SMYD3: variants seen among roughly 807,000 people sequenced by gnomAD.
SMYD3 encodes histone-lysine N-methyltransferase SMYD3.
A neutral mutation model predicts 57.7 loss-of-function variants in SMYD3; 36 were observed. That is an observed-to-expected ratio of 0.62 (90% confidence interval 0.48 to 0.82). The LOEUF (loss-of-function observed/expected upper bound fraction) is 0.82, where lower values mean the gene tolerates loss of function less well. Among genes scored for constraint, SMYD3 ranks in the 40% least tolerant of loss-of-function variants. The pLI is 0.00. For missense variants in SMYD3, 515 were observed against 538.8 expected (o/e 0.96, Z 0.44); for synonymous variants, 211 against 195.0 (o/e 1.08, Z -0.68).
chr1:246,268,040 G>C (rs2064144335), intron 5 of SMYD3, among the ~76,000 whole-genome samples: 1 of 152,108 alleles, frequency 6.6e-6, no homozygotes, highest in Non-Finnish European at 1.5e-5. Flanking sequence ...TTATCAATTG[G>C]GAATTGTATT....
chr1:245,859,969 T>C (rs1236063801), intron 9 of SMYD3, among the ~76,000 whole-genome samples: 1 of 152,176 alleles, frequency 6.6e-6, no homozygotes, highest in Non-Finnish European at 1.5e-5. Context: ...TCATGATGTG[T>C]CCTCTCATGA....
intron 10 of SMYD3, among the ~76,000 whole-genome samples, chr1:245,827,946 A>C (rs2049599202): frequency 6.6e-6 from 1 of 152,210 alleles, no homozygotes; most frequent in African/African-American, 2.4e-5. Flanking sequence ...TGCAGCACAG[A>C]GTTGTGCCCT....
At chr1:245,985,299 A>C (rs2058681148) in intron 5 of SMYD3, among the ~76,000 whole-genome samples, 1 of 152,194 alleles carries the variant, frequency 6.6e-6, no homozygotes, top group Non-Finnish European at 1.5e-5. Context: ...AATGGCTCTC[A>C]AATCTAGACT....
chr1:246,470,370 C>T (rs994378453), intron 1 of SMYD3, among the ~76,000 whole-genome samples: 4 of 151,780 alleles, frequency 2.6e-5, no homozygotes, highest in Non-Finnish European at 5.9e-5. Flanking sequence ...GTGGCACACA[C>T]GTGTAATCCC....
At chr1:245,802,538 G>A (rs1433718058) in intron 10 of SMYD3, among the ~76,000 whole-genome samples, 1 of 152,132 alleles carries the variant, frequency 6.6e-6, no homozygotes, top group African/African-American at 2.4e-5. Context: ...CCCAAAGCAG[G>A]AGTATTGCAG....
chr1:246,043,601 G>C (rs1239577333), intron 5 of SMYD3, among the ~76,000 whole-genome samples: 1 of 152,214 alleles, frequency 6.6e-6, no homozygotes, highest in African/African-American at 2.4e-5. Flanking sequence ...CAGGGCATAG[G>C]TTTCTGGTGA....
chr1:245,773,959 G>A (rs950049974), intron 10 of SMYD3, among the ~76,000 whole-genome samples: 1 of 152,094 alleles, frequency 6.6e-6, no homozygotes, highest in African/African-American at 2.4e-5. Context: ...TTATTTGAAC[G>A]TTTTAGTTCA....
intron 8 of SMYD3, among the ~76,000 whole-genome samples, chr1:245,898,188 T>C (rs1255715801): frequency 1.3e-5 from 2 of 152,234 alleles, no homozygotes; most frequent in African/African-American, 2.4e-5. Context: ...AGCTGTTACA[T>C]AAAGGATCAT....
At chr1:245,991,663 G>A (rs2058816390) in intron 5 of SMYD3, among the ~76,000 whole-genome samples, 1 of 152,256 alleles carries the variant, frequency 6.6e-6, no homozygotes, top group Admixed American at 6.5e-5. Context: ...CCTTAGAGCT[G>A]CTACAAGAAG....
intron 5 of SMYD3, among the ~76,000 whole-genome samples, chr1:246,253,610 C>CTTGT: frequency 6.6e-6 from 1 of 152,124 alleles, no homozygotes; most frequent in Middle Eastern, 3.2e-3. Flanking sequence ...TGTCTTTCTA[C>CTTGT]TTGTTTGCGT....
intron 10 of SMYD3, among the ~76,000 whole-genome samples, chr1:245,775,273 A>C (rs2046531181): frequency 6.6e-6 from 1 of 152,128 alleles, no homozygotes; most frequent in Non-Finnish European, 1.5e-5. Context: ...TGTCGAGTGG[A>C]AGGGGGGAAG....
At chr1:245,913,467 A>T (rs2055165680) in intron 8 of SMYD3, among the ~76,000 whole-genome samples, 1 of 152,084 alleles carries the variant, frequency 6.6e-6, no homozygotes, top group Non-Finnish European at 1.5e-5. Flanking sequence ...CATATGTAAC[A>T]AACCTGCACG....
chr1:246,067,964 C>T (rs1178022305), intron 5 of SMYD3, among the ~76,000 whole-genome samples: 1 of 152,104 alleles, frequency 6.6e-6, no homozygotes, highest in African/African-American at 2.4e-5. Context: ...CTCAGCAAGA[C>T]CCTCTTCAGA....
At chr1:246,172,719 A>C (rs1203824235) in intron 5 of SMYD3, among the ~76,000 whole-genome samples, 1 of 147,230 alleles carries the variant, frequency 6.8e-6, no homozygotes, top group East Asian at 2.1e-4. Flanking sequence ...TCTCTACTGC[A>C]GACTATCCAC....
At chr1:245,877,394 A>G (rs2052545756) in intron 8 of SMYD3, among the ~76,000 whole-genome samples, 1 of 152,242 alleles carries the variant, frequency 6.6e-6, no homozygotes, top group Non-Finnish European at 1.5e-5. Flanking sequence ...TTGATCCTGC[A>G]TGGGCAACAT....
In SMYD3 at chr1:246,348,060, TTATATATA is replaced by T. The variant is rs200573424; in HGVS notation, c.228+6963_228+6970del. ...ATTGGTGGACTGAATAAAGAAAACG[TTATATATA>T]TATATATATACACACACACCATCAA... On this transcript the variant is annotated intron_variant, in intron 2 of 11. Coordinates refer to ENST00000490107, the MANE Select transcript of SMYD3 (RefSeq NM_001167740.2). 3.6e-5 allele frequency among the ~76,000 whole-genome samples: 3 copies of T among 82,978 alleles called. 1 individual carries two copies. In the Admixed American group the frequency reaches 4.4e-4, roughly 12 times the overall value. The allele number at this position is 82,978 out of a possible 152,430, so 54.4% of individuals were successfully genotyped here.
At chr1:246,271,676 T>C (rs1281765736) in intron 5 of SMYD3, among the ~76,000 whole-genome samples, 5 of 152,220 alleles carry the variant, frequency 3.3e-5, no homozygotes, top group African/African-American at 9.6e-5. Flanking sequence ...TTTATGCCAG[T>C]AACACACTGT....
intron 11 of SMYD3, among the ~76,000 whole-genome samples, chr1:245,753,680 C>A (rs767347659): frequency 2.0e-5 from 3 of 152,168 alleles, no homozygotes; most frequent in Non-Finnish European, 4.4e-5. Flanking sequence ...TGGCCCTGGG[C>A]ACAGCCCTTC....
intron 1 of SMYD3, among the ~76,000 whole-genome samples, chr1:246,459,091 G>A (rs1035076661): frequency 5.9e-5 from 9 of 152,182 alleles, no homozygotes; most frequent in Admixed American, 3.9e-4. Flanking sequence ...AGACTTCCCC[G>A]TGCTGTTCTC....
Sources: allele counts gnomAD v4.1 joint callset (sites outside exome capture counted in the v4.1 genomes callset), GRCh38; gene constraint gnomAD v4.1.1; transcripts MANE v1.5; gene names NCBI Gene and HGNC (gene_info 2026-07-23, HGNC 2026-07-21).